The following STXBP5L variants were observed in gnomAD, a reference collection of about 807,000 sequenced individuals.
STXBP5L encodes the protein syntaxin binding protein 5L, also known as syntaxin-binding protein 5-like.
A neutral mutation model predicts 144.5 loss-of-function variants in STXBP5L; 65 were observed. That is an observed-to-expected ratio of 0.45 (90% confidence interval 0.37 to 0.55). The LOEUF is 0.55. STXBP5L is among the 20% of genes least tolerant of loss of function. The pLI, the probability that STXBP5L is intolerant of heterozygous loss-of-function variation, is 0.00. For missense variants in STXBP5L, 1,298 were observed against 1,405.5 expected (o/e 0.92, Z 1.22); for synonymous variants, 505 against 469.6 (o/e 1.08, Z -0.97).
intron 22 of STXBP5L, among the ~76,000 whole-genome samples, chr3:121,391,792 C>A (rs2046593040): frequency 6.6e-6 from 1 of 152,138 alleles, no homozygotes; most frequent in Non-Finnish European, 1.5e-5. Flanking sequence ...CCCAGAGGGG[C>A]AGCCACCTAT....
rs150477480 is a variant in STXBP5L at position 121,353,117 on chromosome 3, C to T, written c.2177-25599C>T. Among the ~76,000 whole-genome samples the T allele has an allele frequency of 1.4e-3, 218 of 152,232 alleles. 1 individual carries two copies. The highest frequency in any genetic ancestry group is 5.1e-3 in the African/African-American group (210 of 41,528). ...TATTGAGGATTTTTGCATCCATGTTCGTCAGGGATATTGGTCTAAAATTCT... is the reference window on the plus strand; with the variant it reads ...TATTGAGGATTTTTGCATCCATGTTTGTCAGGGATATTGGTCTAAAATTCT... On this transcript the variant is annotated intron_variant, in intron 20 of 26. Transcript: ENST00000471454.
intron 26 of STXBP5L, 47 bp downstream of exon 26, chr3:121,418,604 TA>T: frequency 6.4e-7 from 1 of 1,573,584 alleles, no homozygotes; most frequent in Non-Finnish European, 8.7e-7. Flanking sequence ...GGAGTAACTT[TA>T]AACATTTAGG....
chr3:121,040,971 GCAAA>G (rs1223567374), intron 3 of STXBP5L, among the ~76,000 whole-genome samples: 4 of 151,926 alleles, frequency 2.6e-5, no homozygotes, highest in Non-Finnish European at 5.9e-5. Context: ...CTTTATGCAA[GCAAA>G]CAAATGATAA....
intron 19 of STXBP5L, among the ~76,000 whole-genome samples, chr3:121,301,864 G>A (rs1473237690): frequency 1.3e-5 from 2 of 152,164 alleles, no homozygotes; most frequent in African/African-American, 4.8e-5. Flanking sequence ...ATTTGCGTAT[G>A]TTGAACCAGC....
chr3:121,325,981 G>A (rs569725129), intron 20 of STXBP5L, among the ~76,000 whole-genome samples: 2 of 150,424 alleles, frequency 1.3e-5, no homozygotes, highest in Non-Finnish European at 3.0e-5. Flanking sequence ...AAATTATTTG[G>A]CCTCCTATTA....
At chr3:121,260,227 C>A (rs188415189) in intron 18 of STXBP5L, among the ~76,000 whole-genome samples, 1 of 152,114 alleles carries the variant, frequency 6.6e-6, no homozygotes, top group East Asian at 1.9e-4. Context: ...TGTTTTGTGA[C>A]ATTCTGTTTC....
intron 2 of STXBP5L, among the ~76,000 whole-genome samples, chr3:120,940,799 C>T (rs981757997): frequency 7.9e-5 from 12 of 151,408 alleles, no homozygotes; most frequent in African/African-American, 1.5e-4. Flanking sequence ...TGCTGGTATT[C>T]GTATTACTCT....
intron 5 of STXBP5L, among the ~76,000 whole-genome samples, chr3:121,076,893 G>T (rs1018388754): frequency 6.6e-6 from 1 of 152,074 alleles, no homozygotes; most frequent in Non-Finnish European, 1.5e-5. Flanking sequence ...AGGAGGTTTT[G>T]ATACTACTTA....
chr3:121,367,592 C>CTTTTTTTTTTTTTTTTTTT (rs1560026606), intron 20 of STXBP5L, among the ~76,000 whole-genome samples: 1 of 59,138 alleles, frequency 1.7e-5, no homozygotes. Flanking sequence ...GTCTTCGACT[C>CTTTTTTTTTTTTTTTTTTT]TTGTTTTTTT....
chr3:121,089,595 C>T (rs924335717), intron 5 of STXBP5L, among the ~76,000 whole-genome samples: 1 of 151,226 alleles, frequency 6.6e-6, no homozygotes, highest in African/African-American at 2.4e-5. Flanking sequence ...CTGTTTATTT[C>T]TCTGGGTTTA....
At chr3:120,924,741 GCT>G (rs71971193) in intron 2 of STXBP5L, 15,046 of 151,768 alleles carry the variant, frequency 0.099, 1,165 homozygotes, top group Admixed American at 0.2. Flanking sequence ...ACAGAGTCTC[GCT>G]CTGTCGCCCA....
chr3:120,963,184 A>G (rs1419685624), intron 3 of STXBP5L, among the ~76,000 whole-genome samples: 5 of 152,320 alleles, frequency 3.3e-5, no homozygotes, highest in South Asian at 4.1e-4. Flanking sequence ...GGCTGAGGCA[A>G]TGGGGTTTTC....
chr3:121,041,288 ATG>A (rs1029740482), intron 3 of STXBP5L, among the ~76,000 whole-genome samples: 42 of 152,054 alleles, frequency 2.8e-4, no homozygotes, highest in African/African-American at 9.7e-4. Context: ...GATTTTTTAT[ATG>A]TCAAGATTAT....
chr3:121,082,312 A>G (rs1176165965), intron 5 of STXBP5L, among the ~76,000 whole-genome samples: 1 of 151,534 alleles, frequency 6.6e-6, no homozygotes, highest in Non-Finnish European at 1.5e-5. Context: ...TTTTTGGCAT[A>G]CAAATCATGT....
At chr3:120,976,053 G>T (rs965764107) in intron 3 of STXBP5L, among the ~76,000 whole-genome samples, 1 of 152,130 alleles carries the variant, frequency 6.6e-6, no homozygotes, top group Non-Finnish European at 1.5e-5. Context: ...GATGATGCTG[G>T]CCTCATAAAA....
chr3:121,029,476 A>G (rs1179007347), intron 3 of STXBP5L, among the ~76,000 whole-genome samples: 2 of 152,192 alleles, frequency 1.3e-5, no homozygotes, highest in South Asian at 2.1e-4. Flanking sequence ...CTGGCTAGCC[A>G]TATGCAGAAA....
intron 3 of STXBP5L, among the ~76,000 whole-genome samples, chr3:120,992,871 C>A (rs571909746): frequency 2.0e-4 from 31 of 151,986 alleles, no homozygotes; most frequent in Non-Finnish European, 3.7e-4. Flanking sequence ...TTTTGAGGAA[C>A]CTTAATATTG....
At chr3:121,079,951 G>C (rs1053793685) in intron 5 of STXBP5L, among the ~76,000 whole-genome samples, 6 of 152,128 alleles carry the variant, frequency 3.9e-5, no homozygotes, top group Non-Finnish European at 8.8e-5. Flanking sequence ...TTGTGTTGCT[G>C]TCTATTTTAT....
chr3:121,128,013 A>G (rs1455821752), intron 7 of STXBP5L, among the ~76,000 whole-genome samples: 3 of 152,080 alleles, frequency 2.0e-5, no homozygotes, highest in Non-Finnish European at 4.4e-5. Flanking sequence ...GCACAGCCTA[A>G]CACAGAAGCA....
Sources: gnomAD v4.1 joint callset for allele counts (sites outside exome capture counted in the v4.1 genomes callset) on GRCh38, gnomAD v4.1.1 for gene constraint, MANE v1.5 for transcripts, NCBI Gene and HGNC (gene_info 2026-07-23, HGNC 2026-07-21) for gene names.